MBOAT2: variants seen among roughly 807,000 people sequenced by gnomAD.
MBOAT2 encodes the protein membrane-bound glycerophospholipid O-acyltransferase 2.
MBOAT2 carries 28 observed loss-of-function variants against 63.4 expected under a neutral mutation model. That is an observed-to-expected ratio of 0.44 (90% CI 0.33 to 0.61). MBOAT2 has a LOEUF of 0.61. Ranked by LOEUF, MBOAT2 falls within the 20% of genes least tolerant of loss-of-function variation. MBOAT2 has a pLI of 0.03. For synonymous variants in MBOAT2, 211 were observed against 215.6 expected (o/e 0.98, Z 0.19); for missense variants, 470 against 605.8 (o/e 0.78, Z 2.35).
At chr2:8,945,190 G>A (rs1668330281) in intron 2 of MBOAT2, among the ~76,000 whole-genome samples, 1 of 152,198 alleles carries the variant, frequency 6.6e-6, no homozygotes, top group South Asian at 2.1e-4. Context: ...GCCTCCTGCT[G>A]TGTAAACCTT....
At chr2:8,973,016 T>C (rs1402913290) in intron 1 of MBOAT2, among the ~76,000 whole-genome samples, 1 of 152,230 alleles carries the variant, frequency 6.6e-6, no homozygotes, top group Non-Finnish European at 1.5e-5. Flanking sequence ...ATCCCATTAC[T>C]GGGTATATAC....
chr2:8,986,207 CAAAAAAA>C lies in MBOAT2; in HGVS notation c.75+17326_75+17332del, dbSNP rs749608343. On this transcript the variant is annotated intron_variant, in intron 1 of 12. Coordinates refer to ENST00000305997, the MANE Select transcript of MBOAT2 (RefSeq NM_138799.4). ...TTATCCTCAAAGCAGACAAGGTCAC[CAAAAAAA>C]AAAAAAAAAAAAAGTAAAGTCTAAG... Among the ~76,000 whole-genome samples, 79 of 74,406 alleles carry C rather than the reference CAAAAAAA, an allele frequency of 1.1e-3. 1 individual carries two copies. Among genetic ancestry groups the C allele is most frequent in the African/African-American group, 4.0e-3 (76 of 19,160 alleles). The allele number at this position is 74,406 out of a possible 152,430, so 48.8% of individuals were successfully genotyped here.
intron 4 of MBOAT2, among the ~76,000 whole-genome samples, chr2:8,904,502 G>A (rs1182684883): frequency 6.6e-6 from 1 of 151,650 alleles, no homozygotes; most frequent in Non-Finnish European, 1.5e-5. Flanking sequence ...GTAGAGATGG[G>A]GTTTCACCAT....
rs746079042 is a variant in MBOAT2, at chr2:8,958,559, A to T, written c.159T>A (p.Ser53=). 7 of 1,611,756 alleles carry T rather than the reference A, an allele frequency of 4.3e-6. No individual in the cohort carries two copies. The highest frequency in any genetic ancestry group is 5.9e-6 in the Non-Finnish European group (7 of 1,179,436). Reference sequence around the variant, plus strand: ...GGGTAGCAACTACATGTCTTATAAAAGAGCTAGTTTTGCTTGAATGTAGAT... The same window carrying T: ...GGGTAGCAACTACATGTCTTATAAATGAGCTAGTTTTGCTTGAATGTAGAT... The part of the protein sequence containing the change: ...RTYLHSSKTS[S]FIRHVVATLL... Residue 53 remains serine (S), a synonymous_variant, in exon 2 of 13, where the codon TCT becomes TCA. Transcript: ENST00000305997.
chr2:8,975,345 A>T (rs1343450855), intron 1 of MBOAT2, among the ~76,000 whole-genome samples: 1 of 152,012 alleles, frequency 6.6e-6, no homozygotes, highest in Non-Finnish European at 1.5e-5. Flanking sequence ...CTTATATTAA[A>T]CCGTCACTCA....
intron 1 of MBOAT2, among the ~76,000 whole-genome samples, chr2:8,969,532 A>G (rs969837860): frequency 2.6e-5 from 4 of 152,208 alleles, no homozygotes; most frequent in African/African-American, 4.8e-5. Flanking sequence ...TATTAACTTT[A>G]AATGTAAATG....
At chr2:9,001,117 G>A (rs1672657252) in intron 1 of MBOAT2, among the ~76,000 whole-genome samples, 1 of 152,044 alleles carries the variant, frequency 6.6e-6, no homozygotes, top group Non-Finnish European at 1.5e-5. Context: ...AACATGCACG[G>A]AGCTGTCATG....
chr2:8,868,380 T>C (rs557349441), intron 9 of MBOAT2, 66 bp downstream of exon 9: 2 of 1,365,514 alleles, frequency 1.5e-6, no homozygotes, highest in South Asian at 2.5e-5. Context: ...CATCACACCA[T>C]AACTTATGAA....
intron 4 of MBOAT2, among the ~76,000 whole-genome samples, chr2:8,890,751 C>T (rs997398369): frequency 1.3e-5 from 2 of 152,152 alleles, no homozygotes; most frequent in Non-Finnish European, 2.9e-5. Context: ...AACTCCTGGG[C>T]TTAAGCGATC....
chr2:8,856,737 T>C lies in MBOAT2; in HGVS notation c.*1942A>G, dbSNP rs1661112599. The C allele has an allele frequency of 6.6e-6, 1 of 152,128 alleles. No individual in the cohort carries two copies. The highest frequency in any genetic ancestry group is 2.1e-4 in the South Asian group (1 of 4,820). The allele number at this position is 152,128 out of a possible 1,614,324, so 9.4% of individuals were successfully genotyped here. ...GCCCGTCTAATTTTTGTGTTTTCAGTAGAGACGGGGATTCACCACGTTGGC... is the reference window on the plus strand; with the variant it reads ...GCCCGTCTAATTTTTGTGTTTTCAGCAGAGACGGGGATTCACCACGTTGGC... On this transcript the variant is annotated 3_prime_UTR_variant, in exon 13 of 13. Coordinates refer to ENST00000305997, the MANE Select transcript of MBOAT2 (RefSeq NM_138799.4). The surrounding 1 kb of genome is among the most constrained non-coding windows in gnomAD (Gnocchi z 4.2).
intron 1 of MBOAT2, among the ~76,000 whole-genome samples, chr2:8,987,148 C>T (rs936666515): frequency 3.3e-5 from 5 of 152,166 alleles, no homozygotes; most frequent in South Asian, 2.1e-4. Context: ...GAGGAAAAAC[C>T]GGATGTGGGG....
At chr2:8,991,098 A>G (rs565898929) in intron 1 of MBOAT2, among the ~76,000 whole-genome samples, 1 of 152,262 alleles carries the variant, frequency 6.6e-6, no homozygotes, top group East Asian at 1.9e-4. Context: ...GCATGCTGAC[A>G]CTCACAGTGA....
At chr2:9,002,743 C>A (rs1558703714) in intron 1 of MBOAT2, among the ~76,000 whole-genome samples, 1 of 151,966 alleles carries the variant, frequency 6.6e-6, no homozygotes, top group Non-Finnish European at 1.5e-5. Flanking sequence ...TCTCAGTAAT[C>A]GTTAGGCCCT....
chr2:8,941,357 T>C (rs374494142), intron 3 of MBOAT2, among the ~76,000 whole-genome samples: 2 of 152,220 alleles, frequency 1.3e-5, no homozygotes, highest in South Asian at 2.1e-4. Context: ...CCTGAATACT[T>C]ACTGTAAAAG....
At chr2:8,969,084 T>G (rs1011044275) in intron 1 of MBOAT2, among the ~76,000 whole-genome samples, 3 of 151,968 alleles carry the variant, frequency 2.0e-5, no homozygotes, top group Non-Finnish European at 2.9e-5. Flanking sequence ...TTCACCAAAG[T>G]TGAAATTAAG....
At chr2:8,939,011 C>T (rs1046270326) in intron 3 of MBOAT2, among the ~76,000 whole-genome samples, 4 of 152,202 alleles carry the variant, frequency 2.6e-5, no homozygotes, top group Non-Finnish European at 5.9e-5. Flanking sequence ...GTTCACATGC[C>T]TCCTGCCATA....
intron 1 of MBOAT2, among the ~76,000 whole-genome samples, chr2:8,993,999 G>A (rs544197156): frequency 5.8e-4 from 89 of 152,298 alleles, no homozygotes; most frequent in African/African-American, 2.1e-3. Flanking sequence ...CACCCACTAC[G>A]TGAACTACTT....
intron 1 of MBOAT2, among the ~76,000 whole-genome samples, chr2:8,992,334 G>A (rs889813707): frequency 1.3e-5 from 2 of 152,082 alleles, no homozygotes; most frequent in Non-Finnish European, 2.9e-5. Context: ...TGAAGGTCTC[G>A]CTACATTGCC....
intron 2 of MBOAT2, among the ~76,000 whole-genome samples, chr2:8,956,579 G>A (rs915335090): frequency 6.6e-6 from 1 of 152,102 alleles, no homozygotes; most frequent in Non-Finnish European, 1.5e-5. Flanking sequence ...TGTAATCCCA[G>A]CTGCCCAGGA....
Sources: gnomAD v4.1 joint callset for allele counts (sites outside exome capture counted in the v4.1 genomes callset) on GRCh38, gnomAD v4.1.1 for gene constraint, Gnocchi (gnomAD v3.1) non-coding constraint, MANE v1.5 for transcripts, NCBI Gene and HGNC (gene_info 2026-07-23, HGNC 2026-07-21) for gene names.